TNFAIP8: variants seen among roughly 807,000 people sequenced by gnomAD.
TNFAIP8 encodes the protein tumor necrosis factor alpha-induced protein 8.
In TNFAIP8, 7 loss-of-function variants were observed where a neutral mutation model predicts 13.3. The ratio of observed to expected loss-of-function variants is 0.52; its 90% confidence interval spans 0.30 to 0.99. TNFAIP8 has a LOEUF of 0.99. Among genes scored for constraint, TNFAIP8 ranks in the 50% least tolerant of loss-of-function variants. The probability of loss-of-function intolerance (pLI) is 0.07; values close to 1 mark genes in which losing one functional copy is unlikely to be tolerated. For missense variants in TNFAIP8, 258 were observed against 236.9 expected, an observed-to-expected ratio of 1.09 and a Z score of -0.58; for synonymous variants, 94 against 87.6, an observed-to-expected ratio of 1.07 and a Z score of -0.41.
In TNFAIP8 at chr5:119,272,735, G is replaced by A. The variant is rs139028223; in HGVS notation, c.1+3828G>A. Among the ~76,000 whole-genome samples, 37 of 152,274 alleles carry A rather than the reference G, an allele frequency of 2.4e-4. No homozygotes were observed. In the East Asian group the frequency reaches 3.7e-3, roughly 15 times the overall value. On this transcript the variant is annotated intron_variant, in intron 1 of 1. Transcript: ENST00000274456. ...TTTTCTCTGGAAGCAAGTGTTTATGGTTCAGAACTAAGGTAGCTGAGGTTC... is the reference window on the plus strand; with the variant it reads ...TTTTCTCTGGAAGCAAGTGTTTATGATTCAGAACTAAGGTAGCTGAGGTTC...
intron 1 of TNFAIP8, among the ~76,000 whole-genome samples, chr5:119,334,945 C>G (rs897611932): frequency 2.6e-5 from 4 of 152,042 alleles, no homozygotes; most frequent in African/African-American, 9.7e-5. Flanking sequence ...GCTTCCAAGG[C>G]TGGAGTGATT....
chr5:119,351,788 C>CTTT (rs1177061965), upstream of TNFAIP8, among the ~76,000 whole-genome samples: 1,954 of 138,120 alleles, frequency 0.014, 149 homozygotes, highest in African/African-American at 0.054. Context: ...TTTTCTTTTT[C>CTTT]TTTTTTTCTT....
intron 1 of TNFAIP8, among the ~76,000 whole-genome samples, chr5:119,289,996 A>G (rs1194415692): frequency 7.9e-5 from 12 of 152,244 alleles, no homozygotes; most frequent in Non-Finnish European, 1.5e-4. Context: ...AAATTCTCTC[A>G]TCATTCAGTC....
rs1753111920 is a variant in TNFAIP8 at position 119,397,916 on chromosome 5, GA to G, written c.*4536del. 1 of 152,180 alleles carries G rather than the reference GA, an allele frequency of 6.6e-6. No homozygotes were observed. Among genetic ancestry groups the G allele is most frequent in the African/African-American group, 2.4e-5 (1 of 41,446 alleles). The allele number at this position is 152,180 out of a possible 1,614,324, so 9.4% of individuals were successfully genotyped here. A position where few individuals can be genotyped will look rare whatever the true frequency, so the allele number is the denominator to read the frequency against. Reference sequence around the variant, plus strand: ...ATTGATTCATTTCTGTCTCACCAAAGATGTGTTTTCCACGTAGCAAAGAACA... The same window carrying G: ...ATTGATTCATTTCTGTCTCACCAAAGTGTGTTTTCCACGTAGCAAAGAACA... On this transcript the variant is annotated 3_prime_UTR_variant, in exon 2 of 2. Transcript: ENST00000504771.
intron 1 of TNFAIP8, among the ~76,000 whole-genome samples, chr5:119,338,688 C>T (rs1351931577): frequency 6.6e-6 from 1 of 152,238 alleles, no homozygotes; most frequent in African/African-American, 2.4e-5. Flanking sequence ...TCCTCCTTAG[C>T]TGCCCAGGAT....
intron 1 of TNFAIP8, among the ~76,000 whole-genome samples, chr5:119,300,560 C>A (rs1749356088): frequency 6.6e-6 from 1 of 152,158 alleles, no homozygotes; most frequent in East Asian, 1.9e-4. Context: ...GTGATAGTTA[C>A]CATTTTTTCT....
intron 1 of TNFAIP8, among the ~76,000 whole-genome samples, chr5:119,389,381 C>A (rs1018750972): frequency 1.3e-4 from 20 of 150,286 alleles, no homozygotes; most frequent in African/African-American, 4.7e-4. Flanking sequence ...TGGGTGGTAT[C>A]TGAAGCTGTG....
chr5:119,286,150 C>T (rs574374752), intron 1 of TNFAIP8, among the ~76,000 whole-genome samples: 6 of 152,282 alleles, frequency 3.9e-5, no homozygotes, highest in African/African-American at 1.4e-4. Context: ...TTAGAAAAAT[C>T]TGTGTAAAAA....
At chr5:119,304,794 A>G (rs1749503104) in intron 1 of TNFAIP8, among the ~76,000 whole-genome samples, 2 of 152,200 alleles carry the variant, frequency 1.3e-5, no homozygotes, top group South Asian at 4.1e-4. Flanking sequence ...TCCCTTTTGG[A>G]TGCATCAGGA....
chr5:119,334,049 G>A (rs1458979404), intron 1 of TNFAIP8, among the ~76,000 whole-genome samples: 2 of 151,248 alleles, frequency 1.3e-5, no homozygotes, highest in Non-Finnish European at 2.9e-5. Context: ...TGGTAACACC[G>A]TGGGGCAACC....
Position 119,388,623 on chromosome 5 carries a change from ATCTTTTTTTT to A in TNFAIP8, c.32-4186_32-4177del, listed in dbSNP as rs1311507123. ...AGTTAGCAAAGAACTTACATGAAGC[ATCTTTTTTTT>A]TCTTTTCTTTTCTTTTCTTTTCTGA... On this transcript the variant is annotated intron_variant, in intron 1 of 1. Coordinates refer to ENST00000504771, the MANE Select transcript of TNFAIP8 (RefSeq NM_014350.4). Among the ~76,000 whole-genome samples the A allele has an allele frequency of 2.0e-5, 3 of 148,554 alleles. No individual in the cohort carries two copies. The East Asian group carries it at 6.1e-4, about 30-fold the overall frequency.
intron 1 of TNFAIP8, among the ~76,000 whole-genome samples, chr5:119,374,677 C>A (rs1346243807): frequency 6.6e-6 from 1 of 152,174 alleles, no homozygotes; most frequent in Non-Finnish European, 1.5e-5. Flanking sequence ...AGCCCCTGAT[C>A]ATTTCAATGC....
At chr5:119,342,001 T>G (rs1276880307) in intron 1 of TNFAIP8, among the ~76,000 whole-genome samples, 1 of 151,812 alleles carries the variant, frequency 6.6e-6, no homozygotes, top group Non-Finnish European at 1.5e-5. Flanking sequence ...AGCCTTAATT[T>G]CTGTATCTCT....
chr5:119,355,412 C>CGGG (rs1189185345), upstream of TNFAIP8: 2 of 700,602 alleles, frequency 2.9e-6, no homozygotes, highest in Non-Finnish European at 5.2e-6. Flanking sequence ...GAGGCCGCTC[C>CGGG]ACTTTCTTCA....
intron 1 of TNFAIP8, chr5:119,333,115 T>C (rs1750435431): frequency 1.1e-6 from 1 of 873,402 alleles, no homozygotes; most frequent in Non-Finnish European, 1.4e-6. Context: ...TTTTTTTTTT[T>C]TCTAAGTATC....
chr5:119,358,737 A>G (rs918008745), intron 1 of TNFAIP8, among the ~76,000 whole-genome samples: 1 of 152,162 alleles, frequency 6.6e-6, no homozygotes, highest in Admixed American at 6.5e-5. Context: ...TTAATTATGA[A>G]GTAGTTAAAG....
At chr5:119,286,338 C>G (rs2150807723) in intron 1 of TNFAIP8, among the ~76,000 whole-genome samples, 1 of 152,274 alleles carries the variant, frequency 6.6e-6, no homozygotes, top group African/African-American at 2.4e-5. Flanking sequence ...AAAAAAAAGT[C>G]CCGGTTGGCA....
At chr5:119,342,628 A>G (rs1395732926) in intron 1 of TNFAIP8, among the ~76,000 whole-genome samples, 2 of 152,216 alleles carry the variant, frequency 1.3e-5, no homozygotes, top group Non-Finnish European at 2.9e-5. Context: ...ACACCAGATC[A>G]TTCTGCAACC....
intron 1 of TNFAIP8, among the ~76,000 whole-genome samples, chr5:119,315,345 A>G (rs570553789): frequency 2.5e-4 from 38 of 152,302 alleles, no homozygotes; most frequent in African/African-American, 9.1e-4. Context: ...TGGCCTCCCA[A>G]AGTGCTGGGA....
Sources: gnomAD v4.1 joint callset for allele counts (sites outside exome capture counted in the v4.1 genomes callset) on GRCh38, gnomAD v4.1.1 for gene constraint, MANE v1.5 for transcripts, NCBI Gene and HGNC (gene_info 2026-07-23, HGNC 2026-07-21) for gene names.